PUM2: variants seen among roughly 807,000 people sequenced by gnomAD.
PUM2 encodes pumilio homolog 2.
In PUM2, 57 loss-of-function variants were observed where a neutral mutation model predicts 124.5. That is an observed-to-expected ratio of 0.46 (90% CI 0.37 to 0.57). PUM2 has a LOEUF of 0.57. PUM2 is among the 20% of genes least tolerant of loss of function. The probability of loss-of-function intolerance (pLI) is 0.00; values close to 1 mark genes in which losing one functional copy is unlikely to be tolerated. For missense variants in PUM2, 1,065 were observed against 1,290.6 expected, an observed-to-expected ratio of 0.83 and a Z score of 2.68; for synonymous variants, 460 against 446.1, an observed-to-expected ratio of 1.03 and a Z score of -0.39.
chr2:20,297,716 T>A (rs768260776), intron 7 of PUM2, 38 bp from the exon 8 acceptor site: 5 of 1,584,854 alleles, frequency 3.2e-6, no homozygotes, highest in Non-Finnish European at 4.3e-6. Flanking sequence ...AACAACAATG[T>A]AAAGTATGAT....
chr2:20,259,906 G>A (rs1665755500), intron 15 of PUM2, among the ~76,000 whole-genome samples: 1 of 152,122 alleles, frequency 6.6e-6, no homozygotes, highest in Admixed American at 6.5e-5. Context: ...ATTTATGAGG[G>A]CTCTAATTTC....
At chr2:20,306,197 C>T (rs901893088) in intron 7 of PUM2, among the ~76,000 whole-genome samples, 5 of 152,084 alleles carry the variant, frequency 3.3e-5, no homozygotes, top group Non-Finnish European at 7.4e-5. Context: ...ACAACAAGAC[C>T]TCCTTGTCAA....
intron 14 of PUM2, among the ~76,000 whole-genome samples, chr2:20,262,533 T>G (rs1666556376): frequency 6.6e-6 from 1 of 152,210 alleles, no homozygotes; most frequent in Non-Finnish European, 1.5e-5. Context: ...ACGTATTTTC[T>G]AGAACGTATC....
intron 13 of PUM2, among the ~76,000 whole-genome samples, chr2:20,268,997 A>C (rs1469560633): frequency 1.3e-5 from 2 of 152,032 alleles, no homozygotes; most frequent in Admixed American, 1.3e-4. Context: ...CAGCTTAGAG[A>C]ATCTAAATAA....
At chr2:20,326,227 T>C in intron 2 of PUM2, 2 of 1,282,776 alleles carry the variant, frequency 1.6e-6, no homozygotes, top group Non-Finnish European at 2.1e-6. Flanking sequence ...CAAATTTATT[T>C]TGGCAATACT....
At chr2:20,295,596 T>C (rs1470986333) in intron 8 of PUM2, among the ~76,000 whole-genome samples, 1 of 151,712 alleles carries the variant, frequency 6.6e-6, no homozygotes, top group Non-Finnish European at 1.5e-5. Flanking sequence ...ATAAAAAGGG[T>C]ACACCGTAAA....
At chr2:20,276,880 G>C (rs1177399688) in intron 13 of PUM2, among the ~76,000 whole-genome samples, 1 of 152,028 alleles carries the variant, frequency 6.6e-6, no homozygotes, top group Non-Finnish European at 1.5e-5. Context: ...AGCTATGTTA[G>C]TCTATAATGC....
intron 12 of PUM2, among the ~76,000 whole-genome samples, chr2:20,282,512 C>T (rs1210816685): frequency 6.6e-6 from 1 of 152,052 alleles, no homozygotes; most frequent in Non-Finnish European, 1.5e-5. Flanking sequence ...TAATAAACTA[C>T]CAGCATTTAA....
chr2:20,330,575 A>C (rs915455490), intron 1 of PUM2, among the ~76,000 whole-genome samples: 1 of 152,208 alleles, frequency 6.6e-6, no homozygotes, highest in Admixed American at 6.5e-5. Flanking sequence ...GTTCCTGGAG[A>C]GTGGCCTGCC....
At chr2:20,318,418 A>G in intron 3 of PUM2, 119 bp downstream of exon 3, 1 of 778,324 alleles carries the variant, frequency 1.3e-6, no homozygotes, top group Non-Finnish European at 2.0e-6. Flanking sequence ...CCTGGGCAAT[A>G]GCGCAAAACT....
chr2:20,251,286 AAT>A lies in PUM2; in HGVS notation c.*297_*298del, dbSNP rs1396970185. 11 of 211,690 alleles carry A rather than the reference AAT, an allele frequency of 5.2e-5. No individual in the cohort carries two copies. In the East Asian group the frequency reaches 1.1e-3, roughly 21 times the overall value. The allele number at this position is 211,690 out of a possible 1,614,324, so 13.1% of individuals were successfully genotyped here. ...GACTTTACAAGGTAAAAATTTACAA[AAT>A]ATGTGACAGCTTTTTATTTTTGATA... On this transcript the variant is annotated 3_prime_UTR_variant, in exon 21 of 21. Coordinates refer to ENST00000361078, the MANE Select transcript of PUM2 (RefSeq NM_015317.5).
chr2:20,292,248 C>T (rs568038249), intron 9 of PUM2, among the ~76,000 whole-genome samples: 5 of 151,142 alleles, frequency 3.3e-5, no homozygotes, highest in Admixed American at 2.0e-4. Flanking sequence ...CGTCAGTGCA[C>T]GGAGCCCCAG....
In PUM2 at chr2:20,283,268, C is replaced by T. The variant is rs138737057; in HGVS notation, c.1436-37G>A. 1.4e-4 allele frequency: 222 copies of T among 1,606,256 alleles called. No individual in the cohort carries two copies. The African/African-American group carries it at 2.3e-3, about 17-fold the overall frequency. The stretch of plus-strand genomic sequence containing the variant: ...ATTTCAGATACTTCTTTAAACCACC[C>T]AGAAAATTCTGTATTTTAAAAATGG... On this transcript the variant is annotated intron_variant, in intron 11 of 20. Transcript: ENST00000361078.
chr2:20,269,232 A>C (rs1668468503), intron 13 of PUM2, among the ~76,000 whole-genome samples: 1 of 151,702 alleles, frequency 6.6e-6, no homozygotes, highest in Non-Finnish European at 1.5e-5. Context: ...ACGGAGTGCC[A>C]CTCTGTCACC....
At position 20,278,832 on chromosome 2, in the gene PUM2, TA is replaced by T. The variant is rs545230252; in HGVS notation, c.1721-14del. Reference sequence around the variant, plus strand: ...GCAGAACTGCCAACTGAAGAAGAAATAAAAAAAACCCTAATTACATACAGTG... The same window carrying T: ...GCAGAACTGCCAACTGAAGAAGAAATAAAAAAACCCTAATTACATACAGTG... On this transcript the variant is annotated splice_polypyrimidine_tract_variant and intron_variant, in intron 12 of 20. Coordinates refer to ENST00000361078, the MANE Select transcript of PUM2 (RefSeq NM_015317.5). The T allele has an allele frequency of 5.7e-6, 9 of 1,591,186 alleles. No individual in the cohort carries two copies. The highest frequency in any genetic ancestry group is 5.2e-6 in the Non-Finnish European group (6 of 1,164,278).
At chr2:20,342,398 T>C (rs970988192) in intron 1 of PUM2, among the ~76,000 whole-genome samples, 3 of 152,228 alleles carry the variant, frequency 2.0e-5, no homozygotes, top group Admixed American at 2.0e-4. Context: ...TGAGTACATG[T>C]TCAATCTTTC....
intron 7 of PUM2, among the ~76,000 whole-genome samples, chr2:20,303,440 T>C (rs951912118): frequency 3.3e-5 from 5 of 151,358 alleles, no homozygotes; most frequent in Non-Finnish European, 5.9e-5. Context: ...TTCAAGTTTT[T>C]TTTTTTTTTT....
chr2:20,295,150 AAG>A (rs1176402819), intron 8 of PUM2, among the ~76,000 whole-genome samples: 1 of 152,204 alleles, frequency 6.6e-6, no homozygotes, highest in African/African-American at 2.4e-5. Context: ...TATAAGCAGA[AAG>A]AAAAATAGAA....
intron 14 of PUM2, 48 bp downstream of exon 14, chr2:20,263,145 A>T (rs1447477722): frequency 1.3e-6 from 2 of 1,512,858 alleles, no homozygotes; most frequent in Non-Finnish European, 1.8e-6. Context: ...TTTATAAGGC[A>T]GCAATTTTCA....
Sources: gnomAD v4.1 joint callset for allele counts (sites outside exome capture counted in the v4.1 genomes callset) on GRCh38, gnomAD v4.1.1 for gene constraint, MANE v1.5 for transcripts, NCBI Gene and HGNC (gene_info 2026-07-23, HGNC 2026-07-21) for gene names.